SCAND3: variants seen among roughly 807,000 people sequenced by gnomAD.
SCAND3 encodes the protein SCAN domain containing 3, also known as SCAN domain-containing protein 3.
At chr6:28,611,951 A>G in the SCAND3 span, among the ~76,000 whole-genome samples, 144,696 of 152,294 alleles carry the variant, frequency 0.95, 68,872 homozygotes, top group Non-Finnish European at 0.98. Flanking sequence ...AATTAACCCT[A>G]TGGACAGGTA....
At chr6:28,596,271 T>C in the SCAND3 span, among the ~76,000 whole-genome samples, 6 of 152,188 alleles carry the variant, frequency 3.9e-5, no homozygotes, top group Admixed American at 3.9e-4. Flanking sequence ...TGGGATACAA[T>C]GCATCCTTAA....
At chr6:28,594,113 G>A in the SCAND3 span, 4 of 152,192 alleles carry the variant, frequency 2.6e-5, no homozygotes, top group South Asian at 8.3e-4. Flanking sequence ...AGGCCATGGA[G>A]AACAGACAGC....
At chr6:28,583,962 T>C in the SCAND3 span, among the ~76,000 whole-genome samples, 2 of 152,178 alleles carry the variant, frequency 1.3e-5, no homozygotes, top group Non-Finnish European at 2.9e-5. Flanking sequence ...TGGGTTGGTT[T>C]TGGGGAGATC....
the SCAND3 span, chr6:28,572,383 A>G: frequency 6.2e-7 from 1 of 1,612,764 alleles, no homozygotes; most frequent in Non-Finnish European, 8.5e-7. This position sits in a 1 kb window ranked among gnomAD's most constrained non-coding sequence, Gnocchi z 4.1. Context: ...TGCAATATCA[A>G]GATCATTACC....
the SCAND3 span, chr6:28,575,412 G>A: frequency 3.7e-6 from 6 of 1,614,010 alleles, no homozygotes; most frequent in Admixed American, 8.3e-5. This position sits in a 1 kb window ranked among gnomAD's most constrained non-coding sequence, Gnocchi z 4.2. Context: ...GTAGGACACT[G>A]GGTGCTCCAA....
chr6:28,590,714 C>T, the SCAND3 span: 2 of 152,118 alleles, frequency 1.3e-5, no homozygotes, highest in African/African-American at 4.8e-5. Flanking sequence ...TCGAATCCTA[C>T]TTTCACCAAG....
chr6:28,577,573 T>C, the SCAND3 span, among the ~76,000 whole-genome samples: 2 of 152,222 alleles, frequency 1.3e-5, no homozygotes, highest in Non-Finnish European at 1.5e-5. Flanking sequence ...AGTCATGAGA[T>C]GTTCCCTATA....
At chr6:28,595,773 T>G in the SCAND3 span, among the ~76,000 whole-genome samples, 1 of 151,928 alleles carries the variant, frequency 6.6e-6, no homozygotes, top group Non-Finnish European at 1.5e-5. Context: ...ATATAACATG[T>G]AGATACTTCA....
the SCAND3 span, among the ~76,000 whole-genome samples, chr6:28,615,563 T>G: frequency 4.2e-5 from 6 of 143,688 alleles, no homozygotes; most frequent in South Asian, 1.1e-3. Context: ...ATCGCGCCAC[T>G]GCACTCCAGC....
the SCAND3 span, among the ~76,000 whole-genome samples, chr6:28,589,053 A>G: frequency 6.6e-6 from 1 of 152,352 alleles, no homozygotes; most frequent in South Asian, 2.1e-4. Flanking sequence ...TACAGGCCTT[A>G]GAGTACCCAT....
At chr6:28,614,480 T>G in the SCAND3 span, among the ~76,000 whole-genome samples, 1,097 of 152,072 alleles carry the variant, frequency 7.2e-3, 5 homozygotes, top group Middle Eastern at 0.017. Context: ...TTTCTTTTTT[T>G]TGGAGGCAGG....
the SCAND3 span, among the ~76,000 whole-genome samples, chr6:28,605,678 C>CAA: frequency 0.02 from 2,376 of 119,632 alleles, 51 homozygotes; most frequent in Admixed American, 0.059. Flanking sequence ...CTAAAAAATA[C>CAA]AAAAAAAAAA....
At chr6:28,594,019 AC>A in the SCAND3 span, among the ~76,000 whole-genome samples, 2 of 152,172 alleles carry the variant, frequency 1.3e-5, no homozygotes, top group African/African-American at 4.8e-5. Context: ...CACACCCGTA[AC>A]AATCTTTCAC....
the SCAND3 span, among the ~76,000 whole-genome samples, chr6:28,611,021 A>G: frequency 1.3e-5 from 2 of 152,238 alleles, no homozygotes; most frequent in African/African-American, 4.8e-5. Flanking sequence ...CCATTAAAAT[A>G]TTAGCAAGAA....
the SCAND3 span, among the ~76,000 whole-genome samples, chr6:28,601,484 GT>G: frequency 2.0e-5 from 3 of 152,126 alleles, no homozygotes; most frequent in Non-Finnish European, 4.4e-5. Flanking sequence ...TCAACTACCT[GT>G]TTTTGTCAAT....
chr6:28,609,226 T>C, the SCAND3 span, among the ~76,000 whole-genome samples: 4 of 152,216 alleles, frequency 2.6e-5, no homozygotes, highest in African/African-American at 9.7e-5. Flanking sequence ...AAGCTATCTA[T>C]GTATCTTGGT....
chr6:28,615,810 T>C, the SCAND3 span, among the ~76,000 whole-genome samples: 1 of 152,182 alleles, frequency 6.6e-6, no homozygotes, highest in East Asian at 1.9e-4. Flanking sequence ...AACGTGTATG[T>C]GTCTGCTCCA....
the SCAND3 span, among the ~76,000 whole-genome samples, chr6:28,603,509 T>A: frequency 2.0e-5 from 3 of 152,172 alleles, no homozygotes; most frequent in Admixed American, 6.5e-5. Flanking sequence ...GTATGAGGTG[T>A]GTAGTTATAG....
At chr6:28,601,393 C>A in the SCAND3 span, among the ~76,000 whole-genome samples, 1 of 152,176 alleles carries the variant, frequency 6.6e-6, no homozygotes, top group Non-Finnish European at 1.5e-5. Context: ...AGTCATTACA[C>A]CATTCTCTCT....
Sources: gnomAD v4.1 joint callset for allele counts (sites outside exome capture counted in the v4.1 genomes callset) on GRCh38, gnomAD v4.1.1 for gene constraint, Gnocchi (gnomAD v3.1) non-coding constraint, MANE v1.5 for transcripts, NCBI Gene and HGNC (gene_info 2026-07-23, HGNC 2026-07-21) for gene names.